Variants in TEX2 observed in about 807,000 individuals in gnomAD.
The protein encoded by TEX2 is testis-expressed protein 2.
In TEX2, 53 loss-of-function variants were observed where a neutral mutation model predicts 106.9. The ratio of observed to expected loss-of-function variants is 0.50; its 90% confidence interval spans 0.40 to 0.62. The LOEUF is 0.62. TEX2 is among the 20% of genes least tolerant of loss of function. TEX2 has a pLI of 0.00. For missense variants in TEX2, 1,207 were observed against 1,379.0 expected (o/e 0.88, Z 1.98); for synonymous variants, 523 against 534.8 (o/e 0.98, Z 0.30).
intron 2 of TEX2, among the ~76,000 whole-genome samples, chr17:64,210,523 C>T (rs1246350665): frequency 6.6e-6 from 1 of 151,500 alleles, no homozygotes; most frequent in Non-Finnish European, 1.5e-5. Flanking sequence ...TTTGGGTTTC[C>T]TGTGTTTTTA....
At chr17:64,202,654 T>TA (rs1345876324) in intron 2 of TEX2, among the ~76,000 whole-genome samples, 1 of 152,228 alleles carries the variant, frequency 6.6e-6, no homozygotes, top group Non-Finnish European at 1.5e-5. Context: ...CTAAAATTCT[T>TA]AAGCCTGAAT....
At chr17:64,171,287 G>A in intron 6 of TEX2, 88 bp from the exon 7 acceptor site, 1 of 1,112,424 alleles carries the variant, frequency 9.0e-7, no homozygotes, top group South Asian at 1.3e-5. Context: ...GGAGAGGATG[G>A]TGGCCAAGGT....
In TEX2 at chr17:64,174,715, G is replaced by A. The variant is rs561045503; in HGVS notation, c.2571+2610C>T. The stretch of plus-strand genomic sequence containing the variant: ...GCTGGTGGGTGCTAAGTTAGAAGCT[G>A]TATGCGATCTCAGCAACATTTGCTG... On this transcript the variant is annotated intron_variant, in intron 6 of 11. Coordinates refer to ENST00000584379, the MANE Select transcript of TEX2 (RefSeq NM_001288732.2). Among the ~76,000 whole-genome samples, 12 of 152,340 alleles carry A rather than the reference G, an allele frequency of 7.9e-5. No individual in the cohort carries two copies. In the East Asian group the frequency reaches 1.7e-3, roughly 22 times the overall value.
In TEX2 at chr17:64,185,454, T is replaced by A. The variant is rs778474069; in HGVS notation, c.2424+2714A>T. ...TACCATTGCACTTTCAGACATTTTT[T>A]AAAAAAGAGTTCCCTTGTTTCCTGA... On this transcript the variant is annotated intron_variant, in intron 5 of 11. Coordinates refer to ENST00000584379, the MANE Select transcript of TEX2 (RefSeq NM_001288732.2). The surrounding 1 kb of genome is among the most constrained non-coding windows in gnomAD (Gnocchi z 4.0). Among the ~76,000 whole-genome samples, 2 of 152,086 alleles carry A rather than the reference T, an allele frequency of 1.3e-5. No individual in the cohort carries two copies. Among genetic ancestry groups the A allele is most frequent in the Non-Finnish European group, 2.9e-5 (2 of 68,014 alleles).
intron 1 of TEX2, among the ~76,000 whole-genome samples, chr17:64,244,859 A>G (rs1265638729): frequency 6.6e-6 from 1 of 151,916 alleles, no homozygotes; most frequent in Non-Finnish European, 1.5e-5. Flanking sequence ...ACTCCCCCCA[A>G]CCCTGGCTGC....
At chr17:64,233,505 G>A (rs1161286753) in intron 1 of TEX2, among the ~76,000 whole-genome samples, 1 of 152,136 alleles carries the variant, frequency 6.6e-6, no homozygotes, top group Non-Finnish European at 1.5e-5. Flanking sequence ...CTTGGAGGGT[G>A]GAGGTTGCAG....
intron 7 of TEX2, among the ~76,000 whole-genome samples, chr17:64,161,646 G>T (rs28488856): frequency 0.061 from 9,347 of 152,074 alleles, 359 homozygotes; most frequent in African/African-American, 0.11. Context: ...TAAAAGGCTT[G>T]TAGCTTCATG....
At position 64,212,562 on chromosome 17, in the gene TEX2, G is replaced by A. The variant is rs373278085; in HGVS notation, c.1644+12C>T. The A allele has an allele frequency of 5.2e-5, 84 of 1,606,854 alleles. No homozygotes were observed. The African/African-American group carries it at 1.0e-3, about 19-fold the overall frequency. ...AGTGTGTGTACTAGCCAGCTCCCGG[G>A]GAGAGGCTTACCTTCAGTATTTCAG... On this transcript the variant is annotated intron_variant, in intron 2 of 11. Transcript: ENST00000584379.
chr17:64,239,690 A>G (rs1247300257), intron 1 of TEX2, among the ~76,000 whole-genome samples: 2 of 152,040 alleles, frequency 1.3e-5, no homozygotes, highest in Non-Finnish European at 2.9e-5. Context: ...AGGCTGGCCA[A>G]TATGGTGAAA....
intron 1 of TEX2, among the ~76,000 whole-genome samples, chr17:64,238,349 T>C (rs1365531147): frequency 6.6e-6 from 1 of 152,212 alleles, no homozygotes; most frequent in Non-Finnish European, 1.5e-5. Flanking sequence ...AAACTGTCTG[T>C]GTAAGTTCAA....
chr17:64,248,451 C>T (rs567350244), intron 1 of TEX2, among the ~76,000 whole-genome samples: 1 of 152,310 alleles, frequency 6.6e-6, no homozygotes, highest in South Asian at 2.1e-4. Context: ...GTGTCTGGAC[C>T]TGCCCAGTGA....
chr17:64,248,242 A>T (rs191006025), intron 1 of TEX2, among the ~76,000 whole-genome samples: 2 of 151,448 alleles, frequency 1.3e-5, no homozygotes, highest in Admixed American at 1.3e-4. Context: ...AGAGAAAGAC[A>T]GAAAAGAAAA....
chr17:64,236,070 A>T (rs1259995965), intron 1 of TEX2, among the ~76,000 whole-genome samples: 1 of 152,164 alleles, frequency 6.6e-6, no homozygotes, highest in African/African-American at 2.4e-5. Flanking sequence ...TCCTTGAAAT[A>T]GCAATCTAAA....
At chr17:64,155,812 CT>C (rs1278182654) in intron 8 of TEX2, 1 of 152,234 alleles carries the variant, frequency 6.6e-6, no homozygotes, top group African/African-American at 2.4e-5. Context: ...CGGAGGGGAC[CT>C]GGGGGCTTCT....
Position 64,171,122 on chromosome 17 carries a change from G to A in TEX2, c.2649C>T (p.Phe883=). ...TACCTTGGTGATCAACGTAAGGCTT[G>A]AAGGCCTGGAGGATTTTTGGCACAG... The part of the protein sequence containing the change: ...GVAVPKILQA[F]KPYVDHQGLW... Residue 883 remains phenylalanine, a synonymous_variant, in exon 7 of 12, where the codon TTC becomes TTT. Coordinates refer to ENST00000584379, the MANE Select transcript of TEX2 (RefSeq NM_001288732.2). The A allele has an allele frequency of 1.2e-6, 2 of 1,614,112 alleles. No individual in the cohort carries two copies. The highest frequency in any genetic ancestry group is 2.2e-5 in the South Asian group (2 of 91,076).
At chr17:64,190,864 A>C (rs559622592) in intron 4 of TEX2, among the ~76,000 whole-genome samples, 1 of 152,316 alleles carries the variant, frequency 6.6e-6, no homozygotes, top group East Asian at 1.9e-4. Flanking sequence ...TGCTAGAGAA[A>C]TCTATGATTT....
intron 2 of TEX2, among the ~76,000 whole-genome samples, chr17:64,204,791 C>T (rs2032779046): frequency 6.6e-6 from 1 of 152,086 alleles, no homozygotes; most frequent in Admixed American, 6.5e-5. Context: ...ACTTTTCTTA[C>T]AGAGTTCAGA....
intron 1 of TEX2, among the ~76,000 whole-genome samples, chr17:64,221,477 C>T (rs1393574859): frequency 6.6e-6 from 1 of 152,076 alleles, no homozygotes; most frequent in Non-Finnish European, 1.5e-5. Context: ...TAGGAAAATG[C>T]AATTAAAACC....
intron 1 of TEX2, among the ~76,000 whole-genome samples, chr17:64,249,456 T>C (rs1555636696): frequency 6.6e-6 from 1 of 152,206 alleles, no homozygotes; most frequent in African/African-American, 2.4e-5. Context: ...ATAAGAAAGC[T>C]AAGTTTTAGA....
Sources: gnomAD v4.1 joint callset for allele counts (sites outside exome capture counted in the v4.1 genomes callset) on GRCh38, gnomAD v4.1.1 for gene constraint, Gnocchi (gnomAD v3.1) non-coding constraint, MANE v1.5 for transcripts, NCBI Gene and HGNC (gene_info 2026-07-23, HGNC 2026-07-21) for gene names.